The following KLHL2 variants were observed in gnomAD, a reference collection of about 807,000 sequenced individuals.
The protein encoded by KLHL2 is kelch like family member 2, also known as kelch-like protein 2.
A neutral mutation model predicts 75.8 loss-of-function variants in KLHL2; 15 were observed. That is an observed-to-expected ratio of 0.20 (90% CI 0.13 to 0.30). The LOEUF (loss-of-function observed/expected upper bound fraction) is 0.30, where lower values mean the gene tolerates loss of function less well. Among genes scored for constraint, KLHL2 ranks in the 10% least tolerant of loss-of-function variants. The probability of loss-of-function intolerance (pLI) is 1.00; values close to 1 mark genes in which losing one functional copy is unlikely to be tolerated. For missense variants in KLHL2, 381 were observed against 741.0 expected, an observed-to-expected ratio of 0.51 and a Z score of 5.64; for synonymous variants, 214 against 251.9, an observed-to-expected ratio of 0.85 and a Z score of 1.42.
Position 165,263,335 on chromosome 4 carries a change from C to G in KLHL2, c.520C>G (p.Leu174Val), listed in dbSNP as rs374192338. 6.1e-5 allele frequency: 99 copies of G among 1,613,854 alleles called. No individual in the cohort carries two copies. Among genetic ancestry groups the G allele is most frequent in the Non-Finnish European group, 7.8e-5 (92 of 1,179,922 alleles). ...FADMHACTDLLNKANTYAEQH... is the reference protein window; with the variant it reads ...FADMHACTDLVNKANTYAEQH... ...TGATATGCATGCATGTACCGACCTT[C>G]TGAACAAGGCCAACACCTATGCAGG... The change falls in exon 5 of 15, where the codon CTG becomes GTG. Residue 174 changes from leucine to valine, a missense_variant. Physicochemically the swap from Leu to Val is conservative, Grantham distance 32. Coordinates refer to ENST00000226725, the MANE Select transcript of KLHL2 (RefSeq NM_007246.4).
At chr4:165,208,008 G>A (rs977232618) in intron 1 of KLHL2, 106 bp downstream of exon 1, 3 of 765,760 alleles carry the variant, frequency 3.9e-6, no homozygotes, top group African/African-American at 1.9e-5. Context: ...GGGGCCGGCG[G>A]GAGGTGGGAG....
intron 5 of KLHL2, chr4:165,278,079 C>A: frequency 6.5e-7 from 1 of 1,547,376 alleles, no homozygotes; most frequent in Non-Finnish European, 8.9e-7. Flanking sequence ...ACACTAGGGT[C>A]ACCACCTTCT....
chr4:165,248,363 C>T (rs1398227984), intron 4 of KLHL2, among the ~76,000 whole-genome samples: 1 of 152,168 alleles, frequency 6.6e-6, no homozygotes, highest in East Asian at 1.9e-4. Context: ...TAGTACCATA[C>T]TAAATCTTTG....
At chr4:165,287,570 T>TG (rs909569831) in intron 5 of KLHL2, among the ~76,000 whole-genome samples, 2 of 130,212 alleles carry the variant, frequency 1.5e-5, no homozygotes, top group Non-Finnish European at 3.4e-5. Context: ...GTAACCTCCA[T>TG]GCTTTTTTTT....
Position 165,219,965 on chromosome 4 carries a change from G to A in KLHL2, c.58G>A (p.Asp20Asn), listed in dbSNP as rs143711077. The A allele has an allele frequency of 7.4e-5, 120 of 1,613,478 alleles. No individual in the cohort carries two copies. The highest frequency in any genetic ancestry group is 1.8e-4 in the Admixed American group (11 of 59,910). Residue 20 changes from aspartate to asparagine, a missense_variant, in exon 2 of 15, where the codon GAT becomes AAT. Coordinates refer to ENST00000226725, the MANE Select transcript of KLHL2 (RefSeq NM_007246.4). ...CTKQGHQKPLDSKDDNTEKHC... is the reference protein window; with the variant it reads ...CTKQGHQKPLNSKDDNTEKHC... ...AAAGCAGGGTCATCAGAAGCCTCTC[G>A]ATTCAAAAGATGATAATACCGAAAA...
chr4:165,264,740 GTATATATATATATATATA>G (rs1216985793), intron 5 of KLHL2, among the ~76,000 whole-genome samples: 861 of 75,702 alleles, frequency 0.011, 22 homozygotes, highest in African/African-American at 0.039. Flanking sequence ...ATATATATAT[GTATATATATATATATATA>G]TATATATAAA....
chr4:165,261,998 C>T (rs1741714762), intron 4 of KLHL2, among the ~76,000 whole-genome samples: 1 of 152,028 alleles, frequency 6.6e-6, no homozygotes. Flanking sequence ...GTTTCTTTGG[C>T]TTTTATAAAG....
chr4:165,284,879 C>A (rs1428930678), intron 5 of KLHL2, among the ~76,000 whole-genome samples: 2 of 152,198 alleles, frequency 1.3e-5, no homozygotes, highest in African/African-American at 4.8e-5. Context: ...CAAGTCACAT[C>A]CTACATGGAT....
chr4:165,321,108 A>G (rs1317642054), intron 14 of KLHL2, among the ~76,000 whole-genome samples: 1 of 152,206 alleles, frequency 6.6e-6, no homozygotes, highest in African/African-American at 2.4e-5. Flanking sequence ...TGGAAAGACG[A>G]TTGGTATTAT....
At chr4:165,279,601 T>G (rs757286499) in intron 5 of KLHL2, 5 of 1,610,444 alleles carry the variant, frequency 3.1e-6, no homozygotes, top group Non-Finnish European at 4.2e-6. Context: ...CTTGGTCCAC[T>G]GCCCCCACCA....
intron 5 of KLHL2, among the ~76,000 whole-genome samples, chr4:165,288,757 C>T (rs1240619625): frequency 6.6e-6 from 1 of 150,988 alleles, no homozygotes; most frequent in Non-Finnish European, 1.5e-5. Flanking sequence ...AAATTGCTCT[C>T]TGTAAAGATT....
At chr4:165,275,908 G>T (rs1171601566) in intron 5 of KLHL2, among the ~76,000 whole-genome samples, 1 of 152,032 alleles carries the variant, frequency 6.6e-6, no homozygotes, top group Non-Finnish European at 1.5e-5. Flanking sequence ...ATTGCTTGAG[G>T]CCTGGAGTTT....
intron 5 of KLHL2, among the ~76,000 whole-genome samples, chr4:165,283,096 A>G (rs1743820033): frequency 6.6e-6 from 1 of 152,152 alleles, no homozygotes; most frequent in African/African-American, 2.4e-5. Flanking sequence ...CCCATAATTC[A>G]GTTGTCTTCC....
At position 165,272,803 on chromosome 4, in the gene KLHL2, T is replaced by G. The variant is rs535990429; in HGVS notation, c.544+9444T>G. On this transcript the variant is annotated intron_variant, in intron 5 of 14. Coordinates refer to ENST00000226725, the MANE Select transcript of KLHL2 (RefSeq NM_007246.4). ...CTAGTATACTACAAAATATAAAAAA[T>G]TTTCCACCAGAATTAGAACACTTCT... is the stretch of plus-strand genomic sequence containing the variant. 4.6e-5 allele frequency among the ~76,000 whole-genome samples: 7 copies of G among 152,128 alleles called. No homozygotes were observed. In the South Asian group the frequency reaches 1.2e-3, roughly 27 times the overall value.
intron 3 of KLHL2, among the ~76,000 whole-genome samples, chr4:165,232,426 C>CAA (rs1314917182): frequency 8.6e-5 from 7 of 81,440 alleles, no homozygotes; most frequent in African/African-American, 1.4e-4. Context: ...GACTCTGTCT[C>CAA]AAAAAAAAAA....
chr4:165,254,171 G>A (rs1481069273), intron 4 of KLHL2, among the ~76,000 whole-genome samples: 1 of 152,216 alleles, frequency 6.6e-6, no homozygotes, highest in East Asian at 1.9e-4. Flanking sequence ...TGTCCATTAA[G>A]TTGTTCTAAT....
chr4:165,255,362 T>C (rs1741077747), intron 4 of KLHL2, among the ~76,000 whole-genome samples: 1 of 152,198 alleles, frequency 6.6e-6, no homozygotes, highest in Admixed American at 6.5e-5. Flanking sequence ...GCCATTAATA[T>C]GAGCTAATCA....
In KLHL2 at chr4:165,314,017, G is replaced by A. The variant is rs1267865894; in HGVS notation, c.1469-9G>A. ...TTTGCCCCTCTATTTGGCTGGTTGT[G>A]TTTTATAGGTGTTGGTGTGTTAAAC... On this transcript the variant is annotated splice_polypyrimidine_tract_variant and intron_variant, in intron 12 of 14. Coordinates refer to ENST00000226725, the MANE Select transcript of KLHL2 (RefSeq NM_007246.4). The A allele has an allele frequency of 3.7e-6, 6 of 1,609,090 alleles. No individual in the cohort carries two copies. The highest frequency in any genetic ancestry group is 1.6e-4 in the Middle Eastern group (1 of 6,064).
intron 7 of KLHL2, 75 bp from the exon 8 acceptor site, chr4:165,299,432 T>G (rs1240858458): frequency 7.3e-7 from 1 of 1,374,560 alleles, no homozygotes; most frequent in African/African-American, 1.5e-5. Context: ...TTCCTCTCCT[T>G]TACTTCTTTT....
Sources: allele counts gnomAD v4.1 joint callset (sites outside exome capture counted in the v4.1 genomes callset), GRCh38; gene constraint gnomAD v4.1.1; transcripts MANE v1.5; gene names NCBI Gene and HGNC (gene_info 2026-07-23, HGNC 2026-07-21).